RIPOR2: variants seen among roughly 807,000 people sequenced by gnomAD.
RIPOR2 encodes RHO family interacting cell polarization regulator 2.
Under a neutral mutation model 114.5 loss-of-function variants are expected in RIPOR2, and 39 were observed. The observed-to-expected ratio is 0.34, with a 90% confidence interval of 0.26 to 0.44. The LOEUF (loss-of-function observed/expected upper bound fraction) is 0.44, where lower values mean the gene tolerates loss of function less well. RIPOR2 is among the 20% of genes least tolerant of loss of function. The pLI, the probability that RIPOR2 is intolerant of heterozygous loss-of-function variation, is 1.00. For missense variants in RIPOR2, 1,007 were observed against 1,255.1 expected, an observed-to-expected ratio of 0.80 and a Z score of 2.99; for synonymous variants, 445 against 484.4, an observed-to-expected ratio of 0.92 and a Z score of 1.07.
chr6:24,959,721 A>T (rs1773215826), intron 1 of RIPOR2, among the ~76,000 whole-genome samples: 1 of 152,128 alleles, frequency 6.6e-6, no homozygotes, highest in South Asian at 2.1e-4. Flanking sequence ...AGCATACCCC[A>T]ATTAGCCTTT....
intron 1 of RIPOR2, among the ~76,000 whole-genome samples, chr6:25,025,329 T>TA (rs1776556651): frequency 6.6e-6 from 1 of 152,184 alleles, no homozygotes; most frequent in Non-Finnish European, 1.5e-5. Context: ...GTCTGTGGTG[T>TA]TACGGTTTCT....
chr6:24,866,311 A>G (rs547178816), intron 6 of RIPOR2, among the ~76,000 whole-genome samples: 1 of 152,256 alleles, frequency 6.6e-6, no homozygotes, highest in South Asian at 2.1e-4. Context: ...TCAAATGACT[A>G]TTGATTTTAT....
chr6:24,809,582 C>T, intron 21 of RIPOR2, 135 bp downstream of exon 21: 1 of 647,086 alleles, frequency 1.5e-6, no homozygotes, highest in East Asian at 2.7e-5. Flanking sequence ...TGTGAGAAGA[C>T]AGCCTACAGC....
intron 16 of RIPOR2, 110 bp downstream of exon 16, chr6:24,832,146 T>TAA (rs1760738202): frequency 9.1e-7 from 1 of 1,104,888 alleles, no homozygotes; most frequent in African/African-American, 1.6e-5. Context: ...TCCTGTGACC[T>TAA]AAGAATGCTT....
intron 1 of RIPOR2, among the ~76,000 whole-genome samples, chr6:24,913,052 T>C (rs1465250955): frequency 6.6e-6 from 1 of 152,188 alleles, no homozygotes. Context: ...AATCAAGTGC[T>C]CTTTTTACTA....
At chr6:25,012,261 C>G (rs182943818) in intron 1 of RIPOR2, among the ~76,000 whole-genome samples, 21 of 152,254 alleles carry the variant, frequency 1.4e-4, no homozygotes, top group Admixed American at 2.0e-4. Context: ...AATTGAAGCT[C>G]TCATATATTG....
intron 7 of RIPOR2, among the ~76,000 whole-genome samples, chr6:24,864,923 A>G (rs1162770178): frequency 6.6e-6 from 1 of 152,182 alleles, no homozygotes; most frequent in Non-Finnish European, 1.5e-5. Flanking sequence ...AAATGACACA[A>G]ATCAGGGCAA....
At chr6:25,023,679 G>C in intron 1 of RIPOR2, 2 of 762,340 alleles carry the variant, frequency 2.6e-6, no homozygotes, top group South Asian at 2.7e-5. Context: ...CCAGTGAAGC[G>C]GTTCTCCACG....
intron 1 of RIPOR2, among the ~76,000 whole-genome samples, chr6:24,999,624 C>T (rs1196223364): frequency 1.3e-5 from 2 of 150,044 alleles, no homozygotes; most frequent in Admixed American, 6.6e-5. Flanking sequence ...GGCATGATCT[C>T]GGCTCACTGC....
At chr6:24,835,892 A>G in intron 14 of RIPOR2, 21 bp from the exon 15 acceptor site, 1 of 1,550,478 alleles carries the variant, frequency 6.4e-7, no homozygotes, top group South Asian at 1.2e-5. Context: ...TGGGCAAAAC[A>G]TTAGCTATTC....
At chr6:24,979,283 C>CTTTTTTTTTTTTTTT (rs60372040) in intron 1 of RIPOR2, among the ~76,000 whole-genome samples, 3 of 99,432 alleles carry the variant, frequency 3.0e-5, no homozygotes, top group African/African-American at 4.1e-5. Flanking sequence ...TAGGGAAATT[C>CTTTTTTTTTTTTTTT]TTTTTTTTTT....
At chr6:24,950,652 C>G (rs1281582696) in intron 1 of RIPOR2, among the ~76,000 whole-genome samples, 3 of 152,120 alleles carry the variant, frequency 2.0e-5, no homozygotes, top group African/African-American at 7.2e-5. Flanking sequence ...CGGAGCAAGC[C>G]AAAACACTTT....
At chr6:24,897,957 G>A (rs1461249207) in intron 1 of RIPOR2, among the ~76,000 whole-genome samples, 2 of 151,846 alleles carry the variant, frequency 1.3e-5, no homozygotes, top group African/African-American at 4.8e-5. Context: ...CCGGGAGGCG[G>A]AGGTTGCAGA....
intron 8 of RIPOR2, among the ~76,000 whole-genome samples, chr6:24,857,308 T>C (rs1037118041): frequency 7.2e-5 from 11 of 152,310 alleles, no homozygotes; most frequent in African/African-American, 2.2e-4. Context: ...TACCAGTGCA[T>C]GATCTAGAAA....
chr6:25,001,596 G>A (rs1386321294), intron 1 of RIPOR2, among the ~76,000 whole-genome samples: 1 of 121,044 alleles, frequency 8.3e-6, no homozygotes, highest in Non-Finnish European at 1.6e-5. Flanking sequence ...CTGCACTTCA[G>A]CCTGGGCGAC....
At chr6:24,959,120 T>G (rs1428593169) in intron 1 of RIPOR2, among the ~76,000 whole-genome samples, 2 of 152,212 alleles carry the variant, frequency 1.3e-5, no homozygotes, top group Non-Finnish European at 2.9e-5. Context: ...GTGGCCCTTC[T>G]GCTTCCATCT....
At chr6:24,881,200 C>T (rs906751553) in intron 1 of RIPOR2, among the ~76,000 whole-genome samples, 7 of 152,306 alleles carry the variant, frequency 4.6e-5, no homozygotes, top group South Asian at 2.1e-4. Flanking sequence ...GCCGAGATCA[C>T]GCCATTGTAC....
chr6:25,008,268 G>A (rs1012963922), intron 1 of RIPOR2, among the ~76,000 whole-genome samples: 3 of 151,936 alleles, frequency 2.0e-5, no homozygotes, highest in Admixed American at 6.6e-5. Flanking sequence ...CACCCGCCTC[G>A]GCCTCCCAAA....
chr6:24,986,686 G>C (rs1010045675), intron 1 of RIPOR2, among the ~76,000 whole-genome samples: 2 of 152,150 alleles, frequency 1.3e-5, no homozygotes, highest in East Asian at 1.9e-4. Flanking sequence ...ACAAACCAAA[G>C]ACAATGAAAA....
Sources: gnomAD v4.1 joint callset for allele counts (sites outside exome capture counted in the v4.1 genomes callset) on GRCh38, gnomAD v4.1.1 for gene constraint, MANE v1.5 for transcripts, NCBI Gene and HGNC (gene_info 2026-07-23, HGNC 2026-07-21) for gene names.